The following GMDS variants were observed in gnomAD, a reference collection of about 807,000 sequenced individuals.
GMDS encodes the protein GDP-mannose 4,6-dehydratase.
GMDS carries 20 observed loss-of-function variants against 49.9 expected under a neutral mutation model. The observed-to-expected ratio is 0.40, with a 90% CI of 0.28 to 0.58. The LOEUF (loss-of-function observed/expected upper bound fraction) is 0.58, where lower values mean the gene tolerates loss of function less well. GMDS is among the 20% of genes least tolerant of loss of function. The pLI, the probability that GMDS is intolerant of heterozygous loss-of-function variation, is 0.42. For synonymous variants in GMDS, 177 were observed against 178.6 expected, an observed-to-expected ratio of 0.99 and a Z score of 0.07; for missense variants, 362 against 481.4, an observed-to-expected ratio of 0.75 and a Z score of 2.32.
chr6:1,773,513 C>T (rs1165243363), intron 7 of GMDS, among the ~76,000 whole-genome samples: 1 of 152,220 alleles, frequency 6.6e-6, no homozygotes, highest in Non-Finnish European at 1.5e-5. Flanking sequence ...AGGAAGAGGG[C>T]TGCCCTTGGG....
intron 4 of GMDS, among the ~76,000 whole-genome samples, chr6:2,078,919 T>C (rs949772889): frequency 2.0e-4 from 30 of 151,980 alleles, no homozygotes; most frequent in African/African-American, 6.7e-4. Flanking sequence ...GTAATATTTA[T>C]CCTATGAATC....
intron 1 of GMDS, among the ~76,000 whole-genome samples, chr6:2,199,211 T>C (rs1043178140): frequency 1.3e-5 from 2 of 152,228 alleles, no homozygotes; most frequent in African/African-American, 4.8e-5. Context: ...ATGGTGGTGT[T>C]TACTCATTAA....
At chr6:1,947,131 G>A (rs561563083) in intron 6 of GMDS, among the ~76,000 whole-genome samples, 9 of 151,926 alleles carry the variant, frequency 5.9e-5, no homozygotes, top group African/African-American at 2.2e-4. Context: ...CTTCCTATAG[G>A]GAAATATTTC....
At chr6:1,764,277 T>C (rs940612552) in intron 7 of GMDS, among the ~76,000 whole-genome samples, 11 of 152,068 alleles carry the variant, frequency 7.2e-5, no homozygotes, top group Non-Finnish European at 1.0e-4. Context: ...GAGGCCCGTG[T>C]GTGGGATGTG....
intron 7 of GMDS, among the ~76,000 whole-genome samples, chr6:1,861,757 C>G (rs1758198084): frequency 6.6e-6 from 1 of 152,116 alleles, no homozygotes; most frequent in African/African-American, 2.4e-5. Context: ...TGTGGAGAAG[C>G]CAACATAAGA....
intron 7 of GMDS, among the ~76,000 whole-genome samples, chr6:1,755,188 G>A (rs796755968): frequency 9.9e-5 from 15 of 152,280 alleles, no homozygotes; most frequent in African/African-American, 3.6e-4. Flanking sequence ...CAAAGTCTCA[G>A]GGTACAAAAT....
chr6:1,804,555 C>T (rs1770087113), intron 7 of GMDS, among the ~76,000 whole-genome samples: 1 of 152,248 alleles, frequency 6.6e-6, no homozygotes, highest in Admixed American at 6.5e-5. Context: ...TGCTGGGCCT[C>T]AGCAGATTCA....
At chr6:1,826,312 C>T (rs148817960) in intron 7 of GMDS, among the ~76,000 whole-genome samples, 118 of 152,294 alleles carry the variant, frequency 7.7e-4, no homozygotes, top group African/African-American at 2.8e-3. Flanking sequence ...ATGTGGTCTG[C>T]CGCTGACCGA....
chr6:1,799,540 G>A (rs1769865831), intron 7 of GMDS, among the ~76,000 whole-genome samples: 1 of 152,182 alleles, frequency 6.6e-6, no homozygotes, highest in Admixed American at 6.5e-5. Flanking sequence ...GGTGAAAGAA[G>A]ACGAGAAAAT....
At chr6:2,133,366 G>A (rs905720099) in intron 1 of GMDS, among the ~76,000 whole-genome samples, 6 of 152,142 alleles carry the variant, frequency 3.9e-5, no homozygotes, top group African/African-American at 1.4e-4. Flanking sequence ...AAGGTCATAA[G>A]AATAACAAAA....
chr6:1,834,539 T>G (rs1003788968), intron 7 of GMDS, among the ~76,000 whole-genome samples: 5 of 152,222 alleles, frequency 3.3e-5, no homozygotes, highest in Admixed American at 3.3e-4. Context: ...TACAGTGCTT[T>G]TGTAAGATTT....
intron 4 of GMDS, among the ~76,000 whole-genome samples, chr6:2,010,442 GAA>G (rs997440890): frequency 4.6e-5 from 7 of 151,298 alleles, no homozygotes; most frequent in African/African-American, 1.7e-4. Context: ...GACCCATAGA[GAA>G]ATGAACACAA....
At chr6:1,905,909 C>CATAGCTGTGGGTGTTGGCGT (rs1760751365) in intron 7 of GMDS, among the ~76,000 whole-genome samples, 1 of 149,452 alleles carries the variant, frequency 6.7e-6, no homozygotes, top group African/African-American at 2.5e-5. Context: ...TCTGGGAACA[C>CATAGCTGTGGGTGTTGGCGT]GTATGCAGGT....
At chr6:2,059,763 T>C (rs1016458293) in intron 4 of GMDS, among the ~76,000 whole-genome samples, 13 of 140,464 alleles carry the variant, frequency 9.3e-5, no homozygotes, top group Non-Finnish European at 1.5e-4. Context: ...AAAAAAAATG[T>C]ATTTAATCCT....
chr6:2,171,809 G>C (rs551256327), intron 1 of GMDS, among the ~76,000 whole-genome samples: 1 of 150,064 alleles, frequency 6.7e-6, no homozygotes. Context: ...GAGCCACAAT[G>C]AAAGAAAGAA....
At chr6:2,011,801 T>C (rs192616651) in intron 4 of GMDS, among the ~76,000 whole-genome samples, 7 of 152,198 alleles carry the variant, frequency 4.6e-5, no homozygotes, top group African/African-American at 9.6e-5. Flanking sequence ...GCATTACCTA[T>C]AGTCCTGGCT....
chr6:1,911,701 G>C (rs148995350), intron 7 of GMDS, among the ~76,000 whole-genome samples: 4 of 152,294 alleles, frequency 2.6e-5, no homozygotes, highest in Non-Finnish European at 5.9e-5. Context: ...ATAACGGCAT[G>C]AACCATTCTG....
intron 7 of GMDS, among the ~76,000 whole-genome samples, chr6:1,743,418 C>T (rs1344469862): frequency 2.0e-5 from 3 of 149,966 alleles, no homozygotes; most frequent in Non-Finnish European, 4.4e-5. Flanking sequence ...TGGGGGGCGC[C>T]TGTAGTCCCA....
intron 1 of GMDS, among the ~76,000 whole-genome samples, chr6:2,154,741 G>A (rs557383722): frequency 6.6e-6 from 1 of 150,898 alleles, no homozygotes; most frequent in African/African-American, 2.4e-5. Context: ...ACCGATCAGA[G>A]AAAAGCTGGA....
Sources: allele counts gnomAD v4.1 joint callset (sites outside exome capture counted in the v4.1 genomes callset), GRCh38; gene constraint gnomAD v4.1.1; transcripts MANE v1.5; gene names NCBI Gene and HGNC (gene_info 2026-07-23, HGNC 2026-07-21).